GRM8: variants seen among roughly 807,000 people sequenced by gnomAD.
The protein encoded by GRM8 is metabotropic glutamate receptor 8.
In GRM8, 47 loss-of-function variants were observed where a neutral mutation model predicts 87.2. The ratio of observed to expected loss-of-function variants is 0.54; its 90% CI spans 0.43 to 0.69. The LOEUF (loss-of-function observed/expected upper bound fraction) is 0.69, where lower values mean the gene tolerates loss of function less well. GRM8 is among the 30% of genes least tolerant of loss of function. GRM8 has a pLI of 0.00. For synonymous variants in GRM8, 396 were observed against 404.5 expected (o/e 0.98, Z 0.25); for missense variants, 1,019 against 1,139.2 (o/e 0.89, Z 1.52).
chr7:126,635,644 C>T (rs1801782087), intron 7 of GRM8, among the ~76,000 whole-genome samples: 1 of 151,904 alleles, frequency 6.6e-6, no homozygotes, highest in Admixed American at 6.6e-5. Flanking sequence ...TTTGAACTAC[C>T]TCTCCCTAAG....
At chr7:126,571,583 A>C (rs1474640988) in intron 8 of GRM8, among the ~76,000 whole-genome samples, 9 of 152,014 alleles carry the variant, frequency 5.9e-5, no homozygotes, top group African/African-American at 9.7e-5. Context: ...CATAGGAACA[A>C]ATATCCTCTT....
intron 3 of GRM8, among the ~76,000 whole-genome samples, chr7:127,074,649 T>C (rs897152065): frequency 2.0e-5 from 3 of 152,206 alleles, no homozygotes; most frequent in Admixed American, 2.0e-4. Flanking sequence ...TTATACAAGT[T>C]GCTTTGCCTG....
intron 6 of GRM8, among the ~76,000 whole-genome samples, chr7:126,864,509 T>C (rs1168245240): frequency 6.6e-6 from 1 of 152,192 alleles, no homozygotes; most frequent in Non-Finnish European, 1.5e-5. Flanking sequence ...ATTGATAATT[T>C]TATTTCTAGA....
Position 127,243,361 on chromosome 7 carries a change from C to G in GRM8, c.-157G>C. The G allele has an allele frequency of 3.2e-6, 2 of 631,866 alleles. No homozygotes were observed. The highest frequency in any genetic ancestry group is 5.4e-6 in the Non-Finnish European group (2 of 369,346). 39.1% of individuals were successfully genotyped at this position (631,866 alleles called of 1,614,324 possible). ...GCAAGTTTTCTTGATTTGAATGTCA[C>G]AGTGAATTTCCATCAGACCCCTAAG... is the stretch of plus-strand genomic sequence containing the variant. On this transcript the variant is annotated 5_prime_UTR_variant, in exon 2 of 11. Coordinates refer to ENST00000339582, the MANE Select transcript of GRM8 (RefSeq NM_000845.3).
At chr7:126,610,983 G>A (rs1798862668) in intron 7 of GRM8, among the ~76,000 whole-genome samples, 1 of 152,166 alleles carries the variant, frequency 6.6e-6, no homozygotes, top group Non-Finnish European at 1.5e-5. Flanking sequence ...CACAACTTGT[G>A]TATGTCCCTT....
At chr7:126,718,130 G>A (rs879563121) in intron 7 of GRM8, among the ~76,000 whole-genome samples, 6 of 152,024 alleles carry the variant, frequency 3.9e-5, no homozygotes, top group Non-Finnish European at 8.8e-5. Context: ...CCAGCTACTC[G>A]GGAGGCTGAG....
intron 2 of GRM8, among the ~76,000 whole-genome samples, chr7:127,155,091 T>C (rs1792638030): frequency 6.6e-6 from 1 of 152,116 alleles, no homozygotes; most frequent in African/African-American, 2.4e-5. Context: ...GGTACAGACT[T>C]GAAAGTATAA....
chr7:126,596,824 T>C (rs775003265), intron 8 of GRM8, among the ~76,000 whole-genome samples: 4 of 152,182 alleles, frequency 2.6e-5, no homozygotes, highest in Non-Finnish European at 4.4e-5. Context: ...GTTGCGATAC[T>C]GTACAATAAT....
chr7:126,571,098 G>A (rs1467475913), intron 8 of GRM8, among the ~76,000 whole-genome samples: 1 of 152,092 alleles, frequency 6.6e-6, no homozygotes, highest in Non-Finnish European at 1.5e-5. Context: ...CATCGCTCCA[G>A]AGCCCTTCTC....
intron 2 of GRM8, among the ~76,000 whole-genome samples, chr7:127,238,425 T>C (rs543839962): frequency 1.3e-5 from 2 of 152,116 alleles, no homozygotes; most frequent in Admixed American, 1.3e-4. Context: ...CCAACACACC[T>C]GAGGGATATG....
intron 3 of GRM8, among the ~76,000 whole-genome samples, chr7:126,937,089 A>G (rs1806413879): frequency 6.6e-6 from 1 of 152,172 alleles, no homozygotes; most frequent in African/African-American, 2.4e-5. Context: ...CTGTTCCCCA[A>G]GCAGTACAAG....
chr7:126,780,880 G>A (rs75197205), intron 6 of GRM8, among the ~76,000 whole-genome samples: 4,735 of 152,206 alleles, frequency 0.031, 257 homozygotes, highest in African/African-American at 0.1. Flanking sequence ...TAGGAAGGAG[G>A]AAAGAGTAAA....
chr7:126,949,426 T>A (rs1807896489), intron 3 of GRM8, among the ~76,000 whole-genome samples: 2 of 152,318 alleles, frequency 1.3e-5, no homozygotes, highest in African/African-American at 2.4e-5. Context: ...TAATAAAAAA[T>A]TTTAAAGTGA....
chr7:127,108,888 G>T (rs2133102161), intron 2 of GRM8, among the ~76,000 whole-genome samples: 1 of 152,230 alleles, frequency 6.6e-6, no homozygotes, highest in Non-Finnish European at 1.5e-5. Context: ...GTATGCATTT[G>T]TATTTTTATT....
chr7:127,131,877 T>C (rs1827708668), intron 2 of GRM8, among the ~76,000 whole-genome samples: 1 of 152,250 alleles, frequency 6.6e-6, no homozygotes, highest in African/African-American at 2.4e-5. Context: ...TAATTATGTT[T>C]TCTTCCCTAA....
At chr7:126,899,737 CTTT>C (rs5887317) in intron 6 of GRM8, among the ~76,000 whole-genome samples, 1 of 148,332 alleles carries the variant, frequency 6.7e-6, no homozygotes, top group Non-Finnish European at 1.5e-5. Flanking sequence ...GTTATCCCTT[CTTT>C]TTTTTTTTCT....
intron 6 of GRM8, among the ~76,000 whole-genome samples, chr7:126,807,129 C>A (rs2151728353): frequency 6.6e-6 from 1 of 152,326 alleles, no homozygotes; most frequent in Middle Eastern, 3.4e-3. Context: ...ACATGAAGTA[C>A]ACAAGCATTA....
chr7:127,075,656 C>A (rs1420566448), intron 3 of GRM8, among the ~76,000 whole-genome samples: 1 of 151,952 alleles, frequency 6.6e-6, no homozygotes, highest in Non-Finnish European at 1.5e-5. Context: ...ACGAAGCCAG[C>A]CAAGAAGCTG....
At chr7:126,823,044 C>T (rs1430912244) in intron 6 of GRM8, among the ~76,000 whole-genome samples, 1 of 152,140 alleles carries the variant, frequency 6.6e-6, no homozygotes, top group African/African-American at 2.4e-5. Context: ...TATTTTATGC[C>T]ACCAAACCTA....
Sources: gnomAD v4.1 joint callset for allele counts (sites outside exome capture counted in the v4.1 genomes callset) on GRCh38, gnomAD v4.1.1 for gene constraint, MANE v1.5 for transcripts, NCBI Gene and HGNC (gene_info 2026-07-23, HGNC 2026-07-21) for gene names.